COL14A1: variants seen among roughly 807,000 people sequenced by gnomAD.
The protein encoded by COL14A1 is collagen type XIV alpha 1 chain.
In COL14A1, 136 loss-of-function variants were observed where a neutral mutation model predicts 230.3. That is an observed-to-expected ratio of 0.59 (90% CI 0.51 to 0.68). The LOEUF (loss-of-function observed/expected upper bound fraction) is 0.68. Among genes scored for constraint, COL14A1 ranks in the 30% least tolerant of loss-of-function variants. The probability of loss-of-function intolerance (pLI) is 0.00; values close to 1 mark genes in which losing one functional copy is unlikely to be tolerated. For synonymous variants in COL14A1, 792 were observed against 784.1 expected, an observed-to-expected ratio of 1.01 and a Z score of -0.17; for missense variants, 1,976 against 2,215.8, an observed-to-expected ratio of 0.89 and a Z score of 2.17.
Position 120,208,321 on chromosome 8 carries a change from CCA to C in COL14A1, c.1285_1286del (p.Thr429CysfsTer2). 6.2e-7 allele frequency: 1 copy of C among 1,613,544 alleles called. No individual in the cohort carries two copies. ...AGATAGCAGTCTTTGCAATCTATGC[CCA>C]CACTGCTAGTGAAGGCCTACGGGGA... ...YQIAVFAIYA[H>X]TASEGLRGTE... is the part of the protein sequence containing the mutation. On this transcript the variant is annotated frameshift_variant, in exon 11 of 48. Coordinates refer to ENST00000297848, the MANE Select transcript of COL14A1 (RefSeq NM_021110.4). LOFTEE classifies it high-confidence loss of function.
In COL14A1 at chr8:120,239,936, TATC is replaced by T. The variant is rs983881858; in HGVS notation, c.2350-3940_2350-3938del. Among the ~76,000 whole-genome samples, 10 of 152,162 alleles carry T rather than the reference TATC, an allele frequency of 6.6e-5. No individual in the cohort carries two copies. In the South Asian group the frequency reaches 1.5e-3, roughly 22 times the overall value. ...TAATTTGGAAAGAATAAAAATTTAATATCATGCATGCACTTGTAAGCTATGCAA... is the reference window on the plus strand; with the variant it reads ...TAATTTGGAAAGAATAAAAATTTAATATGCATGCACTTGTAAGCTATGCAA... On this transcript the variant is annotated intron_variant, in intron 19 of 47. Coordinates refer to ENST00000297848, the MANE Select transcript of COL14A1 (RefSeq NM_021110.4).
At position 120,372,191 on chromosome 8, in the gene COL14A1, G is replaced by A. The variant is rs1812183846; in HGVS notation, c.*960G>A. Among the ~76,000 whole-genome samples the A allele has an allele frequency of 6.6e-6, 1 of 152,128 alleles. No homozygotes were observed. Among genetic ancestry groups the A allele is most frequent in the Non-Finnish European group, 1.5e-5 (1 of 68,028 alleles). ...TCACTCACTCATTCATTCATTCTGA[G>A]TGCAGTAGAAAACAGAAGAAGCAGT... On this transcript the variant is annotated 3_prime_UTR_variant, in exon 48 of 48. Transcript: ENST00000297848.
intron 40 of COL14A1, among the ~76,000 whole-genome samples, chr8:120,324,718 G>A (rs1024523698): frequency 7.2e-5 from 11 of 152,156 alleles, no homozygotes; most frequent in African/African-American, 2.2e-4. Flanking sequence ...ACAATTGGCC[G>A]GAATCTTAAG....
chr8:120,371,710 T>A lies in COL14A1; in HGVS notation c.*479T>A, dbSNP rs1051868417. On this transcript the variant is annotated 3_prime_UTR_variant, in exon 48 of 48. Transcript: ENST00000297848. ...AAAAAAGGGACAATATTGGAGAAAC[T>A]ACCTCTTGTTTAATTGATCTGTCCA... 5.0e-6 allele frequency: 2 copies of A among 398,146 alleles called. No homozygotes were observed. The highest frequency in any genetic ancestry group is 8.9e-6 in the Non-Finnish European group (2 of 225,592). The allele number at this position is 398,146 out of a possible 1,614,324, so 24.7% of individuals were successfully genotyped here.
intron 5 of COL14A1, among the ~76,000 whole-genome samples, chr8:120,178,080 TTTTG>T (rs1002820573): frequency 1.2e-4 from 19 of 152,038 alleles, no homozygotes; most frequent in African/African-American, 4.1e-4. Context: ...CTGTTTTTTT[TTTTG>T]TTTGTTTGTT....
chr8:120,265,906 C>A (rs991543842), intron 24 of COL14A1, among the ~76,000 whole-genome samples: 1 of 151,966 alleles, frequency 6.6e-6, no homozygotes, highest in Non-Finnish European at 1.5e-5. Context: ...TTATAAAATT[C>A]TTGGCAAATA....
chr8:120,223,409 C>A (rs1251653840), intron 14 of COL14A1, among the ~76,000 whole-genome samples: 7 of 152,162 alleles, frequency 4.6e-5, no homozygotes, highest in Non-Finnish European at 1.0e-4. Context: ...GTGGCTCACG[C>A]TTGTAATCCC....
chr8:120,255,442 A>G (rs1819114043), intron 23 of COL14A1, 86 bp downstream of exon 23: 1 of 998,022 alleles, frequency 1.0e-6, no homozygotes, highest in African/African-American at 1.6e-5. Flanking sequence ...CACAAGTAGC[A>G]TTAGACAACA....
At chr8:120,149,080 C>T (rs1815187714) in intron 2 of COL14A1, among the ~76,000 whole-genome samples, 1 of 152,188 alleles carries the variant, frequency 6.6e-6, no homozygotes, top group Non-Finnish European at 1.5e-5. Flanking sequence ...TCTGAATATG[C>T]ACAACTGTGC....
chr8:120,196,229 C>T (rs1817034999), intron 5 of COL14A1, among the ~76,000 whole-genome samples: 1 of 152,190 alleles, frequency 6.6e-6, no homozygotes. Flanking sequence ...AACTCTTTGG[C>T]CTTTTTCCCA....
At chr8:120,342,304 G>C in intron 43 of COL14A1, 76 bp from the exon 44 acceptor site, 1 of 1,454,666 alleles carries the variant, frequency 6.9e-7, no homozygotes, top group South Asian at 1.1e-5. Context: ...GGGCAAGTCA[G>C]ATCCACATCC....
chr8:120,263,008 A>G lies in COL14A1; in HGVS notation c.3010A>G (p.Lys1004Glu), dbSNP rs1819388383. The G allele has an allele frequency of 1.9e-6, 3 of 1,604,140 alleles. No homozygotes were observed. The highest frequency in any genetic ancestry group is 1.1e-5 in the South Asian group (1 of 88,382). The change falls in exon 24 of 48, where the codon AAA (lysine) becomes GAA (glutamate). Residue 1004 changes from lysine (K) to glutamate (E), a missense_variant. This residue lies in a region of COL14A1 where 1,791 missense variants were observed against 2,019.5 expected (regional missense o/e 0.89). Transcript: ENST00000297848. ...IEGPSVSIME[K>E]TQSLPTRPPT... ...AGGACCTAGTGTGAGCATAATGGAA[A>G]AAACACGTAAGTCATGTGTGTTCTC... is the stretch of plus-strand genomic sequence containing the variant.
intron 13 of COL14A1, among the ~76,000 whole-genome samples, 174 bp downstream of exon 13, chr8:120,212,751 T>C (rs1050785215): frequency 1.3e-5 from 2 of 152,236 alleles, no homozygotes; most frequent in Non-Finnish European, 2.9e-5. Context: ...TATATTATTA[T>C]GAGTGATAAG....
chr8:120,256,008 C>G (rs113381292), intron 23 of COL14A1, among the ~76,000 whole-genome samples: 2 of 152,086 alleles, frequency 1.3e-5, no homozygotes, highest in African/African-American at 4.8e-5. Flanking sequence ...GTATCTAGAG[C>G]CGGTTAATCC....
intron 5 of COL14A1, among the ~76,000 whole-genome samples, chr8:120,171,986 A>C (rs1816106747): frequency 6.6e-6 from 1 of 152,004 alleles, no homozygotes; most frequent in African/African-American, 2.4e-5. Context: ...GAAATCTTTT[A>C]GTCCTAGAAA....
At chr8:120,314,800 C>T (rs928011194) in intron 38 of COL14A1, among the ~76,000 whole-genome samples, 27 of 152,148 alleles carry the variant, frequency 1.8e-4, no homozygotes, top group Admixed American at 1.8e-3. Flanking sequence ...TGGTTGAGGT[C>T]TTACTACATG....
chr8:120,309,754 AAAT>A (rs1489793918), intron 36 of COL14A1, among the ~76,000 whole-genome samples: 1 of 152,196 alleles, frequency 6.6e-6, no homozygotes, highest in African/African-American at 2.4e-5. Context: ...ACCACTAAGT[AAAT>A]AAAATCTTAC....
intron 45 of COL14A1, among the ~76,000 whole-genome samples, chr8:120,358,975 G>A (rs1208290640): frequency 6.6e-6 from 1 of 151,862 alleles, no homozygotes. Context: ...AAATTACTAT[G>A]TAAATATAGT....
chr8:120,371,067 T>C (rs1823569713), intron 47 of COL14A1, 85 bp from the exon 48 acceptor site: 1 of 1,204,368 alleles, frequency 8.3e-7, no homozygotes. Flanking sequence ...GATATCTCTG[T>C]GTCTCTAAGG....
Sources: allele counts gnomAD v4.1 joint callset (sites outside exome capture counted in the v4.1 genomes callset), GRCh38; gene constraint gnomAD v4.1.1; regional missense constraint gnomAD v4.1.1; transcripts MANE v1.5; gene names NCBI Gene and HGNC (gene_info 2026-07-23, HGNC 2026-07-21).